Variants in UST observed in about 807,000 individuals in gnomAD.
UST encodes the protein chondroitin sulfate 2-O-sulfotransferase.
UST carries 21 observed loss-of-function variants against 45.6 expected under a neutral mutation model. The observed-to-expected ratio is 0.46, with a 90% CI of 0.33 to 0.66. UST has a LOEUF of 0.66. Ranked by LOEUF, UST falls within the 30% of genes least tolerant of loss-of-function variation. The pLI is 0.02. For missense variants in UST, 463 were observed against 512.4 expected (o/e 0.90, Z 0.93); for synonymous variants, 215 against 200.6 (o/e 1.07, Z -0.61).
At chr6:148,896,772 T>C (rs1306591087) in intron 2 of UST, among the ~76,000 whole-genome samples, 1 of 152,224 alleles carries the variant, frequency 6.6e-6, no homozygotes, top group Non-Finnish European at 1.5e-5. Flanking sequence ...TGCTTCCTTC[T>C]GAACTTTCTG....
At chr6:148,986,636 G>C (rs1261156402) in intron 5 of UST, among the ~76,000 whole-genome samples, 1 of 152,214 alleles carries the variant, frequency 6.6e-6, no homozygotes, top group Non-Finnish European at 1.5e-5. Flanking sequence ...TTGAAGCCAG[G>C]TCATCTGATG....
intron 1 of UST, among the ~76,000 whole-genome samples, chr6:148,862,923 C>G (rs147689073): frequency 0.014 from 2,068 of 152,258 alleles, 47 homozygotes; most frequent in African/African-American, 0.046. Context: ...CTCTGGCGCC[C>G]TTAACATTTT....
chr6:148,949,833 C>A (rs1241200824), intron 3 of UST, among the ~76,000 whole-genome samples: 2 of 152,142 alleles, frequency 1.3e-5, no homozygotes, highest in African/African-American at 4.8e-5. Flanking sequence ...AACTCAACTA[C>A]AATGTAATGT....
chr6:148,958,988 T>G (rs536779899), intron 4 of UST: 1 of 152,458 alleles, frequency 6.6e-6, no homozygotes, highest in East Asian at 1.9e-4. Context: ...CTTCCTTTGC[T>G]TCCATTTCTG....
In UST at chr6:148,973,384, G is replaced by A. The variant is rs181261172; in HGVS notation, c.681+8821G>A. On this transcript the variant is annotated intron_variant, in intron 5 of 7. Coordinates refer to ENST00000367463, the MANE Select transcript of UST (RefSeq NM_005715.3). Reference sequence around the variant, plus strand: ...ACATCTTTTTATTTAGGTTGACGAGGCACTTGGAGTCCATTGCCATCTCTT... The same window carrying A: ...ACATCTTTTTATTTAGGTTGACGAGACACTTGGAGTCCATTGCCATCTCTT... Among the ~76,000 whole-genome samples the A allele has an allele frequency of 1.2e-3, 179 of 152,284 alleles. 1 individual carries two copies. Among genetic ancestry groups the A allele is most frequent in the African/African-American group, 4.3e-3 (177 of 41,548 alleles).
intron 5 of UST, among the ~76,000 whole-genome samples, chr6:149,011,814 AAAAC>A (rs1484662676): frequency 6.6e-5 from 10 of 152,074 alleles, no homozygotes; most frequent in South Asian, 4.2e-4. Flanking sequence ...TTCATCTCAA[AAAAC>A]AAACAAACAA....
intron 1 of UST, among the ~76,000 whole-genome samples, chr6:148,811,334 G>C (rs1179893001): frequency 1.3e-5 from 2 of 152,116 alleles, no homozygotes; most frequent in East Asian, 3.9e-4. Context: ...GGCTATATGA[G>C]GCCTAAGCTC....
intron 1 of UST, among the ~76,000 whole-genome samples, chr6:148,863,777 C>G (rs1238787044): frequency 3.3e-5 from 5 of 152,138 alleles, no homozygotes; most frequent in East Asian, 1.9e-4. Flanking sequence ...CACTCCAGAC[C>G]CTGTTTGCCT....
intron 1 of UST, among the ~76,000 whole-genome samples, chr6:148,773,318 G>C (rs916529375): frequency 1.3e-5 from 2 of 151,994 alleles, no homozygotes; most frequent in African/African-American, 4.8e-5. Flanking sequence ...AAAATTAGCC[G>C]GCTGTGGTGG....
rs546041358 is a variant in UST, at chr6:149,010,909, A to C, written c.682-8230A>C. Among the ~76,000 whole-genome samples, 159 of 149,224 alleles carry C rather than the reference A, an allele frequency of 1.1e-3. 2 individuals carry two copies. Among genetic ancestry groups the C allele is most frequent in the African/African-American group, 3.8e-3 (154 of 40,612 alleles). On this transcript the variant is annotated intron_variant, in intron 5 of 7. Transcript: ENST00000367463. ...TCCGTCTCAACCAAAAAAAAAAAAA[A>C]AAAAAAAAAACTGTGACTATTTATT... is the stretch of plus-strand genomic sequence containing the variant.
chr6:149,029,421 TATTGTATAC>T (rs1171215933), intron 7 of UST, among the ~76,000 whole-genome samples: 1 of 102,084 alleles, frequency 9.8e-6, no homozygotes, highest in Non-Finnish European at 1.9e-5. Context: ...ATATACATTA[TATTGTATAC>T]ATTATATTAT....
intron 1 of UST, among the ~76,000 whole-genome samples, chr6:148,764,107 T>A (rs1486850149): frequency 6.6e-6 from 1 of 152,230 alleles, no homozygotes; most frequent in Non-Finnish European, 1.5e-5. Flanking sequence ...TTAATGATAT[T>A]GATTCTTCCA....
At chr6:148,881,189 C>T (rs975850435) in intron 1 of UST, among the ~76,000 whole-genome samples, 1 of 152,118 alleles carries the variant, frequency 6.6e-6, no homozygotes, top group Non-Finnish European at 1.5e-5. Context: ...CTTTTGTCTC[C>T]TCCGCTTACC....
rs1778536681 is a variant in UST, at chr6:148,870,889, A to G, written c.248-16097A>G. Among the ~76,000 whole-genome samples, 4 of 152,122 alleles carry G rather than the reference A, an allele frequency of 2.6e-5. No homozygotes were observed. The South Asian group carries it at 8.3e-4, about 32-fold the overall frequency. ...ACACTCATAAATCAATACTTATTTTATCATCCTTTGTTTAATGTCTGTCAC... is the reference window on the plus strand; with the variant it reads ...ACACTCATAAATCAATACTTATTTTGTCATCCTTTGTTTAATGTCTGTCAC... On this transcript the variant is annotated intron_variant, in intron 1 of 7. Transcript: ENST00000367463.
chr6:149,024,152 G>A (rs1776018998), intron 7 of UST, among the ~76,000 whole-genome samples: 1 of 152,164 alleles, frequency 6.6e-6, no homozygotes, highest in South Asian at 2.1e-4. Context: ...CTTCTATACG[G>A]CCTTCAGGGT....
intron 7 of UST, among the ~76,000 whole-genome samples, chr6:149,059,232 T>C (rs1050228298): frequency 6.6e-6 from 1 of 152,190 alleles, no homozygotes; most frequent in Non-Finnish European, 1.5e-5. Flanking sequence ...TGTTCAAGTC[T>C]AGGCATTAGG....
At chr6:148,916,626 C>T (rs1017378806) in intron 2 of UST, among the ~76,000 whole-genome samples, 8 of 152,254 alleles carry the variant, frequency 5.3e-5, no homozygotes, top group East Asian at 1.9e-4. Flanking sequence ...TCCTTTCTGC[C>T]GCTCCTTCAT....
At chr6:148,859,572 C>T (rs1582857487) in intron 1 of UST, among the ~76,000 whole-genome samples, 1 of 152,286 alleles carries the variant, frequency 6.6e-6, no homozygotes, top group Admixed American at 6.5e-5. Context: ...CTTGCCCATG[C>T]CTAGGTCCTG....
At chr6:148,867,285 TAC>T (rs58093813) in intron 1 of UST, among the ~76,000 whole-genome samples, 16,698 of 136,582 alleles carry the variant, frequency 0.12, 974 homozygotes, top group African/African-American at 0.15. Context: ...CATTGTTGAA[TAC>T]ACACACACAC....
Sources: gnomAD v4.1 joint callset for allele counts (sites outside exome capture counted in the v4.1 genomes callset) on GRCh38, gnomAD v4.1.1 for gene constraint, MANE v1.5 for transcripts, NCBI Gene and HGNC (gene_info 2026-07-23, HGNC 2026-07-21) for gene names.